Variants in PLD1 observed in about 807,000 individuals in gnomAD.
The protein encoded by PLD1 is phospholipase D1, also known as choline phosphatase 1.
Under a neutral mutation model 137.1 loss-of-function variants are expected in PLD1, and 112 were observed. The ratio of observed to expected loss-of-function variants is 0.82; its 90% CI spans 0.70 to 0.96. The LOEUF (loss-of-function observed/expected upper bound fraction) is 0.96. Ranked by LOEUF, PLD1 falls within the 40% of genes least tolerant of loss-of-function variation. PLD1 has a pLI of 0.00. For synonymous variants in PLD1, 431 were observed against 454.7 expected (o/e 0.95, Z 0.66); for missense variants, 1,321 against 1,342.0 (o/e 0.98, Z 0.24).
chr3:171,671,252 T>A (rs1192198274), intron 19 of PLD1, among the ~76,000 whole-genome samples: 1 of 152,236 alleles, frequency 6.6e-6, no homozygotes, highest in African/African-American at 2.4e-5. Context: ...ATTATCATGC[T>A]GCAAAATTTA....
intron 12 of PLD1, among the ~76,000 whole-genome samples, chr3:171,697,068 G>A (rs1553824481): frequency 6.6e-6 from 1 of 152,232 alleles, no homozygotes; most frequent in Admixed American, 6.5e-5. Flanking sequence ...ACAAGAGGTG[G>A]AAGCCAGGCC....
intron 20 of PLD1, among the ~76,000 whole-genome samples, chr3:171,660,323 A>G (rs930250891): frequency 6.6e-6 from 1 of 152,240 alleles, no homozygotes; most frequent in Non-Finnish European, 1.5e-5. Context: ...CCCTTAGGGC[A>G]TCAGACAATC....
chr3:171,764,908 G>GA (rs1721794626), intron 1 of PLD1, among the ~76,000 whole-genome samples: 3 of 27,764 alleles, frequency 1.1e-4, no homozygotes, highest in Non-Finnish European at 1.6e-4. Context: ...AGGAAGGAAG[G>GA]AAGGAAAGAA....
chr3:171,716,715 T>C (rs916920066), intron 8 of PLD1, among the ~76,000 whole-genome samples: 1 of 152,236 alleles, frequency 6.6e-6, no homozygotes, highest in African/African-American at 2.4e-5. Context: ...TGTTGATAGT[T>C]TCTTTTGCTG....
At chr3:171,625,590 G>C (rs1278113310) in intron 23 of PLD1, among the ~76,000 whole-genome samples, 10 of 152,172 alleles carry the variant, frequency 6.6e-5, no homozygotes, top group Non-Finnish European at 1.5e-4. Flanking sequence ...AAGCTAACTG[G>C]GAGGCACCCC....
At chr3:171,671,482 TC>T (rs1163951629) in intron 19 of PLD1, among the ~76,000 whole-genome samples, 1 of 152,188 alleles carries the variant, frequency 6.6e-6, no homozygotes, top group East Asian at 1.9e-4. Context: ...ATTTGTTCCT[TC>T]TCTTCATTTC....
intron 21 of PLD1, among the ~76,000 whole-genome samples, chr3:171,647,509 G>A (rs914953178): frequency 1.3e-5 from 2 of 151,652 alleles, no homozygotes; most frequent in African/African-American, 2.4e-5. Context: ...GAGTGCAATG[G>A]TGCGATCTCG....
intron 1 of PLD1, among the ~76,000 whole-genome samples, chr3:171,767,327 G>T (rs1417923247): frequency 2.6e-5 from 4 of 152,194 alleles, no homozygotes; most frequent in Admixed American, 2.0e-4. Context: ...CTTGCCACTG[G>T]TCACGAGCAG....
chr3:171,605,313 T>C lies in PLD1; in HGVS notation c.2986A>G (p.Thr996Ala), dbSNP rs747734768. The change falls in exon 26 of 27, where the codon ACA becomes GCA. Residue 996 changes from threonine to alanine, a missense_variant. By Grantham distance (58) the Thr-to-Ala change is moderately conservative. Coordinates refer to ENST00000351298, the MANE Select transcript of PLD1 (RefSeq NM_002662.5). ...VWVSTAARNA[T>A]IYDKVFRCLP... ...GTGAACTTCACCTTGTCATAAATTG[T>C]AGCATTTCGAGCTGCTGTTGAAACC... 8.8e-6 allele frequency: 14 copies of C among 1,597,446 alleles called. No individual in the cohort carries two copies. In the South Asian group the frequency reaches 9.9e-5, roughly 11 times the overall value.
intron 21 of PLD1, among the ~76,000 whole-genome samples, chr3:171,645,770 G>C (rs950240933): frequency 6.6e-6 from 1 of 151,610 alleles, no homozygotes; most frequent in African/African-American, 2.4e-5. Context: ...TGTAGTCCCA[G>C]CTACTCGGGA....
In PLD1 at chr3:171,714,055, G is replaced by C. The variant is rs1717476210; in HGVS notation, c.759-10C>G. On this transcript the variant is annotated splice_polypyrimidine_tract_variant and intron_variant, in intron 8 of 26. Transcript: ENST00000351298. Reference sequence around the variant, plus strand: ...TTTCACTATTAACCATCTGTAAGAAGGTAGTAAGTATTTTTAAAAGTTGCA... The same window carrying C: ...TTTCACTATTAACCATCTGTAAGAACGTAGTAAGTATTTTTAAAAGTTGCA... The C allele has an allele frequency of 1.3e-6, 2 of 1,560,136 alleles. No individual in the cohort carries two copies. The highest frequency in any genetic ancestry group is 1.4e-5 in the African/African-American group (1 of 73,504).
At chr3:171,623,734 A>T (rs2108304461) in intron 23 of PLD1, among the ~76,000 whole-genome samples, 1 of 152,282 alleles carries the variant, frequency 6.6e-6, no homozygotes, top group South Asian at 2.1e-4. Flanking sequence ...CCAAAAAGAG[A>T]TGCAAATACA....
At chr3:171,778,918 G>A (rs558423777) in intron 1 of PLD1, among the ~76,000 whole-genome samples, 1 of 152,320 alleles carries the variant, frequency 6.6e-6, no homozygotes, top group Non-Finnish European at 1.5e-5. Context: ...AAAAGGGGCT[G>A]GGCATGGTGC....
At position 171,618,713 on chromosome 3, in the gene PLD1, A is replaced by AGTGTGTGT. The variant is rs529980104; in HGVS notation, c.2728+1672_2728+1673insACACACAC. 9.6e-4 allele frequency among the ~76,000 whole-genome samples: 129 copies of AGTGTGTGT among 134,730 alleles called. 1 individual carries two copies. The highest frequency in any genetic ancestry group is 3.6e-3 in the African/African-American group (120 of 33,430). 88.4% of individuals were successfully genotyped at this position (134,730 alleles called of 152,430 possible). A position where few individuals can be genotyped will look rare whatever the true frequency, so the allele number is the denominator to read the frequency against. ...TTAAATGTGCTATACAAATATTAAA[A>AGTGTGTGT]GTGTGTATGTGTGTGTGTGTGTGTG... is the stretch of plus-strand genomic sequence containing the variant. On this transcript the variant is annotated intron_variant, in intron 24 of 26. Transcript: ENST00000351298.
chr3:171,642,828 G>A lies in PLD1; in HGVS notation c.2593+12C>T, dbSNP rs751722973. On this transcript the variant is annotated intron_variant, in intron 23 of 26. Transcript: ENST00000351298. ...AAAAAACAATGATATGAGAAAAAAA[G>A]CAGTTACTTACGCTCTGCTTTTAAC... 1.9e-5 allele frequency: 29 copies of A among 1,501,954 alleles called. No individual in the cohort carries two copies. Among genetic ancestry groups the A allele is most frequent in the Non-Finnish European group, 2.6e-5 (29 of 1,094,606 alleles). The allele number at this position is 1,501,954 out of a possible 1,614,324, so 93.0% of individuals were successfully genotyped here.
At chr3:171,808,815 A>ATTTTTTTTCTTTTTTTTTTTTTTTT (rs1723981309) in intron 1 of PLD1, among the ~76,000 whole-genome samples, 1 of 86,230 alleles carries the variant, frequency 1.2e-5, no homozygotes, top group African/African-American at 4.8e-5. Flanking sequence ...TTAGCATTCA[A>ATTTTTTTTCTTTTTTTTTTTTTTTT]TTTTTTTTTT....
chr3:171,675,319 G>A (rs998724661), intron 18 of PLD1, among the ~76,000 whole-genome samples: 4 of 152,092 alleles, frequency 2.6e-5, no homozygotes, highest in Non-Finnish European at 4.4e-5. Flanking sequence ...TAGTAAAATG[G>A]TATAAAAGAA....
Position 171,699,807 on chromosome 3 carries a change from G to C in PLD1, c.1165C>G (p.Leu389Val), listed in dbSNP as rs1407966802. Residue 389 changes from leucine (L) to valine (V), a missense_variant, in exon 12 of 27, where the codon CTG (leucine) becomes GTG (valine). Physicochemically the swap from Leu to Val is conservative, Grantham distance 32. Transcript: ENST00000351298. ...TDWWLSPEIF[L>V]KRPVVEGNRW... ...TTTCCCTCAACCACTGGGCGTTTCA[G>C]GAAGATTTCTGGACTCAGCCTGAAA... 1 of 1,613,840 alleles carries C rather than the reference G, an allele frequency of 6.2e-7. No individual in the cohort carries two copies. Among genetic ancestry groups the C allele is most frequent in the Admixed American group, 1.7e-5 (1 of 60,016 alleles).
In PLD1 at chr3:171,705,823, T is replaced by G. The variant is rs144863735; in HGVS notation, c.1145+2932A>C. Among the ~76,000 whole-genome samples, 928 of 152,294 alleles carry G rather than the reference T, an allele frequency of 6.1e-3. 7 individuals are homozygous for G. The highest frequency in any genetic ancestry group is 0.021 in the African/African-American group (890 of 41,548). ...TATTGATAAAATGTGGTAAATTAAA[T>G]CTATCTTCTAAGATAGGTGTCAACA... On this transcript the variant is annotated intron_variant, in intron 11 of 26. Coordinates refer to ENST00000351298, the MANE Select transcript of PLD1 (RefSeq NM_002662.5).
Sources: allele counts gnomAD v4.1 joint callset (sites outside exome capture counted in the v4.1 genomes callset), GRCh38; gene constraint gnomAD v4.1.1; transcripts MANE v1.5; gene names NCBI Gene and HGNC (gene_info 2026-07-23, HGNC 2026-07-21).